PCDH9: variants seen among roughly 807,000 people sequenced by gnomAD.
PCDH9 encodes the protein protocadherin-9.
PCDH9 carries 24 observed loss-of-function variants against 70.6 expected under a neutral mutation model. That is an observed-to-expected ratio of 0.34 (90% CI 0.25 to 0.48). PCDH9 has a LOEUF of 0.48. PCDH9 is among the 20% of genes least tolerant of loss of function. The pLI, the probability that PCDH9 is intolerant of heterozygous loss-of-function variation, is 0.99. For missense variants in PCDH9, 1,281 were observed against 1,503.6 expected (o/e 0.85, Z 2.45); for synonymous variants, 562 against 558.5 (o/e 1.01, Z -0.09).
chr13:66,473,695 C>A, intron 4 of PCDH9, among the ~76,000 whole-genome samples: 1 of 152,134 alleles, frequency 6.6e-6, no homozygotes. Context: ...TATCTTAAAC[C>A]ACTTAACAGT....
chr13:66,923,634 C>A (rs2082672782), intron 2 of PCDH9, among the ~76,000 whole-genome samples: 1 of 151,518 alleles, frequency 6.6e-6, no homozygotes, highest in Non-Finnish European at 1.5e-5. Context: ...CCACCAACGT[C>A]TTAATTTTAA....
chr13:66,912,751 CCTTA>C (rs1377057152), intron 2 of PCDH9, among the ~76,000 whole-genome samples: 3 of 151,708 alleles, frequency 2.0e-5, no homozygotes, highest in African/African-American at 7.3e-5. Flanking sequence ...AAACCATATA[CCTTA>C]CTAAGTTAAT....
chr13:66,615,790 T>C (rs1212163324), intron 4 of PCDH9, among the ~76,000 whole-genome samples: 3 of 152,252 alleles, frequency 2.0e-5, no homozygotes, highest in Non-Finnish European at 4.4e-5. Flanking sequence ...TATTTTGAAC[T>C]ATTTATGGCC....
At chr13:66,988,803 T>C (rs1566344618) in intron 2 of PCDH9, among the ~76,000 whole-genome samples, 1 of 152,002 alleles carries the variant, frequency 6.6e-6, no homozygotes, top group Admixed American at 6.6e-5. Flanking sequence ...TCTGAATTCA[T>C]AGGTAGTGCA....
intron 4 of PCDH9, among the ~76,000 whole-genome samples, chr13:66,395,473 C>G (rs904074528): frequency 6.6e-6 from 1 of 151,878 alleles, no homozygotes; most frequent in Non-Finnish European, 1.5e-5. Flanking sequence ...CGGTGGCACG[C>G]GCCTGTAATC....
At chr13:67,160,167 A>T (rs1199575929) in intron 2 of PCDH9, among the ~76,000 whole-genome samples, 1 of 152,238 alleles carries the variant, frequency 6.6e-6, no homozygotes, top group African/African-American at 2.4e-5. Flanking sequence ...ACAACAGCAA[A>T]ATGCAACAAC....
At chr13:66,390,156 C>G (rs1022764502) in intron 4 of PCDH9, among the ~76,000 whole-genome samples, 5 of 152,108 alleles carry the variant, frequency 3.3e-5, no homozygotes, top group African/African-American at 1.2e-4. Context: ...AAGTGCTAAT[C>G]CAAAAGAGAA....
chr13:66,648,111 G>T (rs953277197), intron 3 of PCDH9, among the ~76,000 whole-genome samples: 1 of 152,196 alleles, frequency 6.6e-6, no homozygotes, highest in African/African-American at 2.4e-5. Context: ...CCCTGAATCT[G>T]CCTGGAGCCA....
At chr13:66,852,841 C>A (rs2081336268) in intron 3 of PCDH9, among the ~76,000 whole-genome samples, 1 of 152,130 alleles carries the variant, frequency 6.6e-6, no homozygotes, top group African/African-American at 2.4e-5. Flanking sequence ...TTCCTGAACT[C>A]CATAGCAAAT....
chr13:67,027,256 C>T (rs1207947653), intron 2 of PCDH9, among the ~76,000 whole-genome samples: 10 of 152,004 alleles, frequency 6.6e-5, no homozygotes, highest in Admixed American at 1.3e-4. Flanking sequence ...TCAGAAATAA[C>T]GCCGCATATC....
chr13:66,514,225 C>T (rs1959623083), intron 4 of PCDH9, among the ~76,000 whole-genome samples: 1 of 152,056 alleles, frequency 6.6e-6, no homozygotes, highest in African/African-American at 2.4e-5. Context: ...ATTGATTTTG[C>T]TAAGACGTCG....
intron 4 of PCDH9, among the ~76,000 whole-genome samples, chr13:66,365,732 C>T (rs1956543579): frequency 6.6e-6 from 1 of 152,120 alleles, no homozygotes; most frequent in African/African-American, 2.4e-5. Context: ...CTGTAATTTT[C>T]CCTTTGCAGT....
intron 2 of PCDH9, among the ~76,000 whole-genome samples, chr13:67,198,383 A>G (rs1045120427): frequency 1.3e-5 from 2 of 151,938 alleles, no homozygotes; most frequent in African/African-American, 4.8e-5. Context: ...TTCAAAAAGT[A>G]TTTATTGAGC....
intron 2 of PCDH9, chr13:67,211,876 C>T (rs2089476122): frequency 6.6e-6 from 1 of 152,054 alleles, no homozygotes. Flanking sequence ...CATGTCCTTT[C>T]AACGTACGAA....
intron 3 of PCDH9, among the ~76,000 whole-genome samples, chr13:66,894,921 C>T (rs1245364319): frequency 1.3e-5 from 2 of 151,972 alleles, no homozygotes; most frequent in Non-Finnish European, 2.9e-5. Flanking sequence ...GATTCTAGTG[C>T]CTCAGCCTCC....
chr13:66,990,802 A>T (rs1319795562), intron 2 of PCDH9: 1 of 151,732 alleles, frequency 6.6e-6, no homozygotes, highest in Non-Finnish European at 1.5e-5. Context: ...ATCATCCAGC[A>T]GATAATCAAT....
At chr13:66,482,143 A>T (rs778576180) in intron 4 of PCDH9, among the ~76,000 whole-genome samples, 4 of 152,214 alleles carry the variant, frequency 2.6e-5, no homozygotes, top group Non-Finnish European at 5.9e-5. Flanking sequence ...TAGAATTGTA[A>T]CTGTAGCCAA....
chr13:66,934,667 A>T (rs1413391396), intron 2 of PCDH9, among the ~76,000 whole-genome samples: 1 of 149,668 alleles, frequency 6.7e-6, no homozygotes, highest in African/African-American at 2.4e-5. Context: ...TTATGAAGAT[A>T]ACATTTCCTT....
At chr13:66,368,066 C>CA (rs1372586439) in intron 4 of PCDH9, among the ~76,000 whole-genome samples, 1 of 151,762 alleles carries the variant, frequency 6.6e-6, no homozygotes, top group Non-Finnish European at 1.5e-5. Flanking sequence ...ATGTAAATGA[C>CA]AAACTAAATA....
Sources: allele counts gnomAD v4.1 joint callset (sites outside exome capture counted in the v4.1 genomes callset), GRCh38; gene constraint gnomAD v4.1.1; transcripts MANE v1.5; gene names NCBI Gene and HGNC (gene_info 2026-07-23, HGNC 2026-07-21).